Variants in SMCO2 observed in about 807,000 individuals in gnomAD.
The protein encoded by SMCO2 is single-pass membrane and coiled-coil domain-containing protein 2.
A neutral mutation model predicts 29.5 loss-of-function variants in SMCO2; 25 were observed. The ratio of observed to expected loss-of-function variants is 0.85; its 90% CI spans 0.62 to 1.18. The LOEUF is 1.18. Ranked by LOEUF, SMCO2 falls within the 50% of genes most tolerant of loss-of-function variation. SMCO2 has a pLI of 0.00. For synonymous variants in SMCO2, 117 were observed against 123.3 expected (o/e 0.95, Z 0.34); for missense variants, 348 against 344.5 (o/e 1.01, Z -0.08).
At chr12:27,449,177 C>G in the SMCO2 span, among the ~76,000 whole-genome samples, 1 of 152,172 alleles carries the variant, frequency 6.6e-6, no homozygotes, top group African/African-American at 2.4e-5. Flanking sequence ...GCACCCGCTT[C>G]CGTGATCACA....
chr12:27,426,203 G>A, the SMCO2 span, among the ~76,000 whole-genome samples: 2 of 152,196 alleles, frequency 1.3e-5, no homozygotes, highest in Admixed American at 6.5e-5. Flanking sequence ...TATTACAGAA[G>A]TAGGATGGCA....
At chr12:27,453,284 G>T in the SMCO2 span, among the ~76,000 whole-genome samples, 5 of 152,136 alleles carry the variant, frequency 3.3e-5, no homozygotes, top group African/African-American at 4.8e-5. Context: ...TTGTTCAAAG[G>T]TTTATCATTA....
At chr12:27,496,216 G>T (rs1943000690) in intron 7 of SMCO2, among the ~76,000 whole-genome samples, 1 of 150,042 alleles carries the variant, frequency 6.7e-6, no homozygotes, top group Non-Finnish European at 1.5e-5. Context: ...TAGTTAGTCT[G>T]TTCCTTTTTG....
chr12:27,448,989 G>A, the SMCO2 span, among the ~76,000 whole-genome samples: 1 of 152,192 alleles, frequency 6.6e-6, no homozygotes, highest in South Asian at 2.1e-4. Context: ...GTGGGAAACT[G>A]TCCATCCACT....
the SMCO2 span, among the ~76,000 whole-genome samples, chr12:27,458,801 C>A: frequency 6.7e-6 from 1 of 148,394 alleles, no homozygotes; most frequent in African/African-American, 2.5e-5. Context: ...GCAGGAGAAT[C>A]GCTTGAACCC....
chr12:27,481,765 T>C (rs903271723), intron 4 of SMCO2, among the ~76,000 whole-genome samples: 4 of 152,232 alleles, frequency 2.6e-5, no homozygotes, highest in Non-Finnish European at 5.9e-5. Context: ...TTTATCAAAG[T>C]TGTCAAAGAT....
chr12:27,440,649 T>G, the SMCO2 span, among the ~76,000 whole-genome samples: 4 of 9,430 alleles, frequency 4.2e-4, no homozygotes, highest in Non-Finnish European at 7.3e-4. Flanking sequence ...TTTCTGTGGG[T>G]TTTTTTTTTT....
At chr12:27,499,584 A>G (rs184566906) in intron 7 of SMCO2, among the ~76,000 whole-genome samples, 1 of 150,852 alleles carries the variant, frequency 6.6e-6, no homozygotes, top group East Asian at 1.9e-4. Context: ...ATTTTATAGT[A>G]TGTGACTAAT....
At chr12:27,451,720 A>G in the SMCO2 span, among the ~76,000 whole-genome samples, 1 of 152,228 alleles carries the variant, frequency 6.6e-6, no homozygotes. Flanking sequence ...AGCATGAGGC[A>G]CATTTATTTG....
At chr12:27,493,240 T>C (rs535578142) in intron 5 of SMCO2, among the ~76,000 whole-genome samples, 1 of 152,230 alleles carries the variant, frequency 6.6e-6, no homozygotes, top group Admixed American at 6.5e-5. Flanking sequence ...CTGGGCTTAA[T>C]TCCTGGGTGA....
At chr12:27,481,932 A>G (rs898044422) in intron 4 of SMCO2, among the ~76,000 whole-genome samples, 6 of 150,982 alleles carry the variant, frequency 4.0e-5, no homozygotes, top group Non-Finnish European at 7.4e-5. Flanking sequence ...TTGGTTTGCT[A>G]AAAGACCCAG....
the SMCO2 span, among the ~76,000 whole-genome samples, chr12:27,430,566 T>C: frequency 6.6e-6 from 1 of 152,166 alleles, no homozygotes; most frequent in Admixed American, 6.6e-5. Flanking sequence ...CTTTAAACTT[T>C]TGTTATATAC....
At chr12:27,439,791 A>G in the SMCO2 span, among the ~76,000 whole-genome samples, 1 of 152,292 alleles carries the variant, frequency 6.6e-6, no homozygotes, top group African/African-American at 2.4e-5. Context: ...TTGAAAATAC[A>G]TAGAGAAGAA....
At chr12:27,498,892 C>T (rs1259347001) in intron 7 of SMCO2, among the ~76,000 whole-genome samples, 1 of 150,166 alleles carries the variant, frequency 6.7e-6, no homozygotes, top group Admixed American at 6.6e-5. Context: ...CAGTGGGATA[C>T]CACTTAACAT....
At chr12:27,425,200 G>T in the SMCO2 span, 1 of 150,878 alleles carries the variant, frequency 6.6e-6, no homozygotes. Flanking sequence ...TTAAATTTTT[G>T]TGGTAAATAA....
intron 4 of SMCO2, among the ~76,000 whole-genome samples, chr12:27,488,165 T>G (rs1405630494): frequency 6.6e-6 from 1 of 152,218 alleles, no homozygotes; most frequent in Non-Finnish European, 1.5e-5. Context: ...CCTAATCTTA[T>G]GTCCCCCAAA....
intron 5 of SMCO2, among the ~76,000 whole-genome samples, chr12:27,488,751 C>G (rs912358382): frequency 6.6e-6 from 1 of 152,164 alleles, no homozygotes; most frequent in Admixed American, 6.5e-5. Flanking sequence ...TCTACTTTAC[C>G]TAGAAACTCG....
chr12:27,499,939 A>G (rs1034015121), intron 7 of SMCO2, among the ~76,000 whole-genome samples: 3 of 150,426 alleles, frequency 2.0e-5, no homozygotes, highest in Non-Finnish European at 2.9e-5. Context: ...GTCATCCCCT[A>G]TGTACTGACC....
At chr12:27,476,403 A>G (rs1180391369) in intron 4 of SMCO2, among the ~76,000 whole-genome samples, 1 of 152,108 alleles carries the variant, frequency 6.6e-6, no homozygotes, top group Non-Finnish European at 1.5e-5. Flanking sequence ...TTTAAATCCA[A>G]TGTTCCTTTG....
Sources: allele counts gnomAD v4.1 joint callset (sites outside exome capture counted in the v4.1 genomes callset), GRCh38; gene constraint gnomAD v4.1.1; transcripts MANE v1.5; gene names NCBI Gene and HGNC (gene_info 2026-07-23, HGNC 2026-07-21).